The following NMT1 variants were observed in gnomAD, a reference collection of about 807,000 sequenced individuals.
The protein encoded by NMT1 is glycylpeptide N-tetradecanoyltransferase 1.
NMT1 carries 12 observed loss-of-function variants against 63.4 expected under a neutral mutation model. That is an observed-to-expected ratio of 0.19 (90% confidence interval 0.12 to 0.31). NMT1 has a LOEUF of 0.31. NMT1 is among the 10% of genes least tolerant of loss of function. The probability of loss-of-function intolerance (pLI) is 1.00; values close to 1 mark genes in which losing one functional copy is unlikely to be tolerated. For missense variants in NMT1, 432 were observed against 634.6 expected, an observed-to-expected ratio of 0.68 and a Z score of 3.43; for synonymous variants, 228 against 234.3, an observed-to-expected ratio of 0.97 and a Z score of 0.25.
intron 6 of NMT1, among the ~76,000 whole-genome samples, chr17:45,097,565 A>C (rs2054133900): frequency 6.6e-6 from 1 of 152,092 alleles, no homozygotes; most frequent in Non-Finnish European, 1.5e-5. Context: ...TATGTTGCCC[A>C]CGCTAGTCTC....
rs190636525 is a variant in NMT1 at position 45,108,035 on chromosome 17, G to A, written c.*2396G>A. On this transcript the variant is annotated 3_prime_UTR_variant, in exon 12 of 12. Transcript: ENST00000258960. ...ACTTCAGCTCAGAGAGCACCATCCC[G>A]GGGGTCAGGGCCTCCCCACAGGAGC... 5 of 152,352 alleles carry A rather than the reference G, an allele frequency of 3.3e-5. No homozygotes were observed. Among genetic ancestry groups the A allele is most frequent in the East Asian group, 1.9e-4 (1 of 5,174 alleles). The allele number at this position is 152,352 out of a possible 1,614,324, so 9.4% of individuals were successfully genotyped here.
intron 2 of NMT1, 74 bp from the exon 3 acceptor site, chr17:45,086,434 T>G: frequency 1.4e-6 from 2 of 1,480,018 alleles, no homozygotes; most frequent in Non-Finnish European, 1.8e-6. Flanking sequence ...TCCCCTTAAC[T>G]CTTGAACTCA....
chr17:45,096,799 C>T (rs1040143963), intron 5 of NMT1, among the ~76,000 whole-genome samples: 2 of 152,258 alleles, frequency 1.3e-5, no homozygotes, highest in Non-Finnish European at 2.9e-5. Flanking sequence ...ACAGTCAGCT[C>T]TCAACCATGG....
chr17:45,065,623 C>CAAAAAA (rs397944011), intron 1 of NMT1, among the ~76,000 whole-genome samples: 3 of 81,728 alleles, frequency 3.7e-5, no homozygotes, highest in Non-Finnish European at 7.1e-5. Context: ...GACTCTGTCT[C>CAAAAAA]AAAAAAAAAA....
chr17:45,076,323 G>A (rs1196416299), intron 1 of NMT1, among the ~76,000 whole-genome samples: 4 of 151,966 alleles, frequency 2.6e-5, no homozygotes, highest in Non-Finnish European at 2.9e-5. Flanking sequence ...GGGCTCCTTG[G>A]AAGTCTGGTT....
In NMT1 at chr17:45,076,750, CA is replaced by C. The variant is rs796462258; in HGVS notation, c.132-4881del. ...GGGCAACAAGAGTGAAACTCTGTCT[CA>C]AAAAAAAAAAAAGAAAAGAAAAAAC... On this transcript the variant is annotated intron_variant, in intron 1 of 11. Coordinates refer to ENST00000258960, the MANE Select transcript of NMT1 (RefSeq NM_021079.5). Among the ~76,000 whole-genome samples the C allele has an allele frequency of 4.2e-3, 550 of 132,124 alleles. 4 individuals carry two copies. Among genetic ancestry groups the C allele is most frequent in the African/African-American group, 8.6e-3 (307 of 35,892 alleles). The allele number at this position is 132,124 out of a possible 152,430, so 86.7% of individuals were successfully genotyped here. A position where few individuals can be genotyped will look rare whatever the true frequency, so the allele number is the denominator to read the frequency against.
chr17:45,090,933 C>T (rs2054083354), intron 3 of NMT1, among the ~76,000 whole-genome samples: 1 of 151,994 alleles, frequency 6.6e-6, no homozygotes, highest in Non-Finnish European at 1.5e-5. Context: ...AGGCTGCTCC[C>T]CACAGAGCAG....
intron 8 of NMT1, 27 bp downstream of exon 8, chr17:45,099,540 G>T (rs190201082): frequency 2.6e-6 from 4 of 1,529,192 alleles, no homozygotes; most frequent in African/African-American, 2.7e-5. Flanking sequence ...GTGGTGGGCA[G>T]GGGGCAGAGA....
rs756865994 is a variant in NMT1, at chr17:45,105,657, T to C, written c.*18T>C. 1 of 1,611,456 alleles carries C rather than the reference T, an allele frequency of 6.2e-7. No homozygotes were observed. ...TACAATAACCAGTCACCAGTGCGAT[T>C]CTGGATAAAGCCACTGAAAATTCGA... On this transcript the variant is annotated 3_prime_UTR_variant, in exon 12 of 12. Transcript: ENST00000258960. The surrounding 1 kb of genome is among the most constrained non-coding windows in gnomAD (Gnocchi z 4.2).
chr17:45,092,190 C>T (rs2054092872), intron 3 of NMT1, among the ~76,000 whole-genome samples: 1 of 152,132 alleles, frequency 6.6e-6, no homozygotes, highest in African/African-American at 2.4e-5. Flanking sequence ...TTTACTATTT[C>T]CCCAGAAGAT....
At chr17:45,070,618 C>T (rs1018650672) in intron 1 of NMT1, among the ~76,000 whole-genome samples, 1 of 151,830 alleles carries the variant, frequency 6.6e-6, no homozygotes, top group South Asian at 2.1e-4. Context: ...GGGGTTTCAC[C>T]GTATTAGCCA....
chr17:45,068,925 C>T (rs1598001918), intron 1 of NMT1, among the ~76,000 whole-genome samples: 1 of 151,822 alleles, frequency 6.6e-6, no homozygotes, highest in East Asian at 2.0e-4. Context: ...GGGATTATTA[C>T]AGGCGTGAGC....
chr17:45,084,235 G>A (rs1598010425), intron 2 of NMT1, among the ~76,000 whole-genome samples: 1 of 152,046 alleles, frequency 6.6e-6, no homozygotes, highest in Non-Finnish European at 1.5e-5. Flanking sequence ...GAAAAAATGT[G>A]TAATCAGTAA....
chr17:45,086,121 A>G (rs968686531), intron 2 of NMT1, among the ~76,000 whole-genome samples: 2 of 88,206 alleles, frequency 2.3e-5, no homozygotes, highest in African/African-American at 8.7e-5. Context: ...TGCGCCCAGC[A>G]CTCTTTTTTT....
At chr17:45,087,784 A>T (rs568871629) in intron 3 of NMT1, among the ~76,000 whole-genome samples, 1 of 152,246 alleles carries the variant, frequency 6.6e-6, no homozygotes, top group East Asian at 1.9e-4. Flanking sequence ...GGTGCAGAGG[A>T]GGAGGGTGGG....
intron 3 of NMT1, among the ~76,000 whole-genome samples, chr17:45,089,124 G>C (rs1567867782): frequency 6.6e-6 from 1 of 152,236 alleles, no homozygotes; most frequent in Non-Finnish European, 1.5e-5. Context: ...TGGCAGGCGT[G>C]TTAGCCTGCA....
chr17:45,069,021 C>T lies in NMT1; in HGVS notation c.131+7561C>T, dbSNP rs781449452. Reference sequence around the variant, plus strand: ...TGTCGCCCAGGCTGGAGTGCAGTGGCGCGATCTCGGCTCACTGCAACCTCT... The same window carrying T: ...TGTCGCCCAGGCTGGAGTGCAGTGGTGCGATCTCGGCTCACTGCAACCTCT... On this transcript the variant is annotated intron_variant, in intron 1 of 11. Coordinates refer to ENST00000258960, the MANE Select transcript of NMT1 (RefSeq NM_021079.5). Among the ~76,000 whole-genome samples the T allele has an allele frequency of 8.6e-5, 13 of 151,220 alleles. No homozygotes were observed. The East Asian group carries it at 1.4e-3, about 16-fold the overall frequency.
chr17:45,079,438 T>C (rs1190214606), intron 1 of NMT1, among the ~76,000 whole-genome samples: 1 of 152,070 alleles, frequency 6.6e-6, no homozygotes, highest in Non-Finnish European at 1.5e-5. Flanking sequence ...AGGCTGAGCA[T>C]GGTGGCTCAC....
At chr17:45,076,641 T>C (rs1005630187) in intron 1 of NMT1, among the ~76,000 whole-genome samples, 3 of 151,666 alleles carry the variant, frequency 2.0e-5, no homozygotes, top group Non-Finnish European at 4.4e-5. Context: ...TCCCAACTAC[T>C]TGGGAAGCTG....
Sources: allele counts gnomAD v4.1 joint callset (sites outside exome capture counted in the v4.1 genomes callset), GRCh38; gene constraint gnomAD v4.1.1; non-coding constraint Gnocchi (gnomAD v3.1); transcripts MANE v1.5; gene names NCBI Gene and HGNC (gene_info 2026-07-23, HGNC 2026-07-21).